Variants in PDE3A observed in about 807,000 individuals in gnomAD.
The protein encoded by PDE3A is cGMP-inhibited 3',5'-cyclic phosphodiesterase 3A.
PDE3A carries 43 observed loss-of-function variants against 98.3 expected under a neutral mutation model. That is an observed-to-expected ratio of 0.44 (90% confidence interval 0.34 to 0.56). The LOEUF (loss-of-function observed/expected upper bound fraction) is 0.56, where lower values mean the gene tolerates loss of function less well. Ranked by LOEUF, PDE3A falls within the 20% of genes least tolerant of loss-of-function variation. PDE3A has a pLI of 0.01. For missense variants in PDE3A, 1,427 were observed against 1,440.7 expected, an observed-to-expected ratio of 0.99 and a Z score of 0.15; for synonymous variants, 663 against 567.9, an observed-to-expected ratio of 1.17 and a Z score of -2.38.
At chr12:20,530,583 G>C (rs1946607303) in intron 1 of PDE3A, among the ~76,000 whole-genome samples, 1 of 151,322 alleles carries the variant, frequency 6.6e-6, no homozygotes, top group African/African-American at 2.4e-5. Flanking sequence ...TCTTAGCTCA[G>C]CCACACTCTG....
At chr12:20,451,210 T>A (rs1296974963) in intron 1 of PDE3A, among the ~76,000 whole-genome samples, 1 of 152,220 alleles carries the variant, frequency 6.6e-6, no homozygotes, top group Non-Finnish European at 1.5e-5. Context: ...AAACAAAGAA[T>A]GTTTCAGACC....
chr12:20,498,352 A>G lies in PDE3A; in HGVS notation c.961-58308A>G, dbSNP rs549151522. Among the ~76,000 whole-genome samples, 81 of 152,224 alleles carry G rather than the reference A, an allele frequency of 5.3e-4. 1 individual carries two copies. The South Asian group carries it at 6.4e-3, about 12-fold the overall frequency. On this transcript the variant is annotated intron_variant, in intron 1 of 15. Transcript: ENST00000359062. ...CCTGGATTCTACATCCATGGATTCA[A>G]CCAACCTCAGATGGAAAATATATTC...
intron 15 of PDE3A, among the ~76,000 whole-genome samples, chr12:20,679,498 T>C (rs1006883889): frequency 1.4e-4 from 21 of 152,274 alleles, no homozygotes; most frequent in Non-Finnish European, 2.1e-4. Context: ...TCGCCCGCCT[T>C]GGCCTCCCAA....
chr12:20,394,924 C>T (rs1288241785), intron 1 of PDE3A, among the ~76,000 whole-genome samples: 1 of 152,032 alleles, frequency 6.6e-6, no homozygotes, highest in African/African-American at 2.4e-5. Flanking sequence ...AATTATCTGA[C>T]TCAAAATGTC....
intron 2 of PDE3A, among the ~76,000 whole-genome samples, chr12:20,583,387 T>C (rs951680994): frequency 1.3e-5 from 2 of 152,256 alleles, no homozygotes; most frequent in African/African-American, 4.8e-5. Context: ...ATTTCTATAC[T>C]GACCTCAAGT....
In PDE3A at chr12:20,646,595, G is replaced by A. The variant is rs748826997; in HGVS notation, c.2357G>A (p.Ser786Asn). 2 of 1,569,316 alleles carry A rather than the reference G, an allele frequency of 1.3e-6. No individual in the cohort carries two copies. Among genetic ancestry groups the A allele is most frequent in the East Asian group, 2.2e-5 (1 of 44,604 alleles). ...STVINDHGSTSDSDSDSGFTH... is the reference protein window; with the variant it reads ...STVINDHGSTNDSDSDSGFTH... ...GTGATTAATGATCATGGTTCAACCA[G>A]TGATTCAGGTATGTACGAAGTGAAT... is the stretch of plus-strand genomic sequence containing the variant. The change falls in exon 11 of 16, where the codon AGT (serine) becomes AAT (asparagine). Residue 786 changes from serine (S) to asparagine (N), a missense_variant. By Grantham distance (46) the Ser-to-Asn change is conservative. Transcript: ENST00000359062.
intron 1 of PDE3A, among the ~76,000 whole-genome samples, chr12:20,383,125 A>G (rs1216389230): frequency 6.6e-6 from 1 of 151,818 alleles, no homozygotes; most frequent in Non-Finnish European, 1.5e-5. Flanking sequence ...AAATTGGTGG[A>G]GTCTTTGAAT....
chr12:20,435,347 G>A (rs796559015), intron 1 of PDE3A, among the ~76,000 whole-genome samples: 2 of 151,966 alleles, frequency 1.3e-5, no homozygotes, highest in Non-Finnish European at 1.5e-5. Context: ...ATTCTTCTAC[G>A]TCATTCAATA....
In PDE3A at chr12:20,683,940, C is replaced by T. The variant is rs1041414853; in HGVS notation, c.*3669C>T. The T allele has an allele frequency of 2.6e-5, 4 of 152,252 alleles. No individual in the cohort carries two copies. The East Asian group carries it at 7.7e-4, about 29-fold the overall frequency. The allele number at this position is 152,252 out of a possible 1,614,324, so 9.4% of individuals were successfully genotyped here. A position where few individuals can be genotyped will look rare whatever the true frequency, so the allele number is the denominator to read the frequency against. On this transcript the variant is annotated 3_prime_UTR_variant, in exon 16 of 16. Transcript: ENST00000359062. ...ATTTGCAATTTCCCCATATTTCCTGCCTATCTTACCCAGATAACTTTCTTT... is the reference window on the plus strand; with the variant it reads ...ATTTGCAATTTCCCCATATTTCCTGTCTATCTTACCCAGATAACTTTCTTT...
At position 20,670,564 on chromosome 12, in the gene PDE3A, G is replaced by A. The variant is rs181101551; in HGVS notation, c.3185-9466G>A. ...GAATCTCACTCAAAACTGCTCAACT[G>A]CATGGAAACTGAACAACCTGCTCCT... On this transcript the variant is annotated intron_variant, in intron 15 of 15. Coordinates refer to ENST00000359062, the MANE Select transcript of PDE3A (RefSeq NM_000921.5). Among the ~76,000 whole-genome samples, 460 of 152,116 alleles carry A rather than the reference G, an allele frequency of 3.0e-3. 4 individuals are homozygous for A. The highest frequency in any genetic ancestry group is 0.01 in the African/African-American group (420 of 41,466).
At chr12:20,528,568 A>T (rs1301472963) in intron 1 of PDE3A, among the ~76,000 whole-genome samples, 2 of 152,212 alleles carry the variant, frequency 1.3e-5, no homozygotes, top group Non-Finnish European at 2.9e-5. Context: ...ATCTTTGATG[A>T]GGCCATTGTC....
chr12:20,550,881 T>C (rs575507899), intron 1 of PDE3A, among the ~76,000 whole-genome samples: 1 of 152,074 alleles, frequency 6.6e-6, no homozygotes, highest in East Asian at 1.9e-4. Context: ...TATTGAGTAA[T>C]TTCCCTTTTG....
At chr12:20,634,062 C>T (rs927695652) in intron 7 of PDE3A, among the ~76,000 whole-genome samples, 1 of 152,146 alleles carries the variant, frequency 6.6e-6, no homozygotes, top group Non-Finnish European at 1.5e-5. Context: ...TGTACTCCTA[C>T]TCTCTAGAGT....
intron 1 of PDE3A, among the ~76,000 whole-genome samples, chr12:20,462,488 T>A (rs1372991651): frequency 6.6e-6 from 1 of 152,148 alleles, no homozygotes; most frequent in African/African-American, 2.4e-5. Flanking sequence ...AGACTTCATC[T>A]AAAACAACAA....
rs1164628166 is a variant in PDE3A, at chr12:20,633,717, G to C, written c.1785G>C (p.Gly595=). ...CSSCGRPYSQ[G]NPADEPLERS... ...GCTGTGGCAGACCATATTCCCAAGG[G>C]AATCCTGCTGATGAGCCCCTGGAGA... is the stretch of plus-strand genomic sequence containing the variant. The change falls in exon 7 of 16, where the codon GGG becomes GGC. Residue 595 remains glycine (G), a synonymous_variant. Transcript: ENST00000359062. The C allele has an allele frequency of 5.0e-6, 8 of 1,610,482 alleles. No homozygotes were observed. The highest frequency in any genetic ancestry group is 6.8e-6 in the Non-Finnish European group (8 of 1,177,876).
At chr12:20,440,758 G>A (rs575889880) in intron 1 of PDE3A, among the ~76,000 whole-genome samples, 1 of 152,258 alleles carries the variant, frequency 6.6e-6, no homozygotes, top group South Asian at 2.1e-4. Flanking sequence ...GGGATGAAGA[G>A]TGTGATCTAA....
At chr12:20,388,560 C>T (rs767025980) in intron 1 of PDE3A, among the ~76,000 whole-genome samples, 6 of 151,928 alleles carry the variant, frequency 3.9e-5, no homozygotes, top group Admixed American at 6.6e-5. Flanking sequence ...AGAGAAAATT[C>T]CTTATAAAAC....
At chr12:20,519,869 G>T (rs1946390972) in intron 1 of PDE3A, among the ~76,000 whole-genome samples, 1 of 152,058 alleles carries the variant, frequency 6.6e-6, no homozygotes, top group South Asian at 2.1e-4. Context: ...GCAGAGGGGT[G>T]GTGAGGAAAG....
chr12:20,454,568 C>T (rs895951850), intron 1 of PDE3A, among the ~76,000 whole-genome samples: 12 of 152,128 alleles, frequency 7.9e-5, no homozygotes, highest in African/African-American at 2.7e-4. Flanking sequence ...ATTATTTAGG[C>T]ACTCAGGTAT....
Sources: allele counts gnomAD v4.1 joint callset (sites outside exome capture counted in the v4.1 genomes callset), GRCh38; gene constraint gnomAD v4.1.1; transcripts MANE v1.5; gene names NCBI Gene and HGNC (gene_info 2026-07-23, HGNC 2026-07-21).